The following NRXN3 variants were observed in gnomAD, a reference collection of about 807,000 sequenced individuals.
NRXN3 encodes the protein neurexin 3, also known as neurexin III.
In NRXN3, 32 loss-of-function variants were observed where a neutral mutation model predicts 137.6. That is an observed-to-expected ratio of 0.23 (90% CI 0.18 to 0.31). NRXN3 has a LOEUF of 0.31. Among genes scored for constraint, NRXN3 ranks in the 10% least tolerant of loss-of-function variants. The pLI is 1.00. For synonymous variants in NRXN3, 798 were observed against 784.5 expected (o/e 1.02, Z -0.29); for missense variants, 1,574 against 2,062.5 (o/e 0.76, Z 4.59).
Position 78,868,673 on chromosome 14 carries a change from T to C in NRXN3, c.2275+58329T>C, listed in dbSNP as rs1815281788. 2.0e-5 allele frequency among the ~76,000 whole-genome samples: 3 copies of C among 151,742 alleles called. No homozygotes were observed. In the South Asian group the frequency reaches 6.3e-4, roughly 32 times the overall value. On this transcript the variant is annotated intron_variant, in intron 10 of 20. Transcript: ENST00000335750. ...CATCTCTACTAAAAATACAAAAAAT[T>C]AGCCAGGCATGTTGGTGCATGCCTG...
At chr14:79,464,207 T>G (rs1432616832) in intron 15 of NRXN3, among the ~76,000 whole-genome samples, 3 of 152,134 alleles carry the variant, frequency 2.0e-5, no homozygotes, top group Non-Finnish European at 4.4e-5. Context: ...TTACCAAGAA[T>G]AGATATTTTC....
chr14:79,457,702 T>A (rs1003152545), intron 15 of NRXN3, among the ~76,000 whole-genome samples: 1 of 152,200 alleles, frequency 6.6e-6, no homozygotes, highest in African/African-American at 2.4e-5. Flanking sequence ...CTTGTAAGTA[T>A]GAGGATCATA....
At chr14:79,710,704 T>TTGAG (rs1466151833) in intron 19 of NRXN3, among the ~76,000 whole-genome samples, 3 of 152,116 alleles carry the variant, frequency 2.0e-5, no homozygotes, top group East Asian at 3.9e-4. Context: ...TAAAAAATAT[T>TTGAG]TGAGTTATTT....
intron 17 of NRXN3, among the ~76,000 whole-genome samples, chr14:79,664,230 G>T (rs546941908): frequency 5.3e-5 from 8 of 152,098 alleles, no homozygotes; most frequent in African/African-American, 1.9e-4. Flanking sequence ...ATTTTGCAGG[G>T]CCTGTAGATG....
intron 16 of NRXN3, among the ~76,000 whole-genome samples, chr14:79,471,958 C>T (rs2096515067): frequency 1.3e-5 from 2 of 151,976 alleles, no homozygotes; most frequent in Non-Finnish European, 2.9e-5. Context: ...AGCTTAATAT[C>T]CATTAGTTAT....
At chr14:79,430,326 C>T (rs1026001046) in intron 15 of NRXN3, among the ~76,000 whole-genome samples, 2 of 152,110 alleles carry the variant, frequency 1.3e-5, no homozygotes, top group African/African-American at 2.4e-5. Flanking sequence ...GTACCTCAAA[C>T]GTGATGAGTG....
At chr14:78,280,906 T>C (rs1319921483) in intron 3 of NRXN3, among the ~76,000 whole-genome samples, 1 of 152,102 alleles carries the variant, frequency 6.6e-6, no homozygotes, top group Non-Finnish European at 1.5e-5. Flanking sequence ...CCCTCTGAGG[T>C]GTGTAGCCCG....
intron 15 of NRXN3, among the ~76,000 whole-genome samples, chr14:79,116,913 A>C (rs1368392812): frequency 6.6e-6 from 1 of 152,232 alleles, no homozygotes. Context: ...CTTCTTCTCC[A>C]TGCCTTGTCA....
rs752081691 is a variant in NRXN3 at position 78,352,758 on chromosome 14, T to G, written c.757+54898T>G. Among the ~76,000 whole-genome samples, 11 of 152,230 alleles carry G rather than the reference T, an allele frequency of 7.2e-5. No homozygotes were observed. In the South Asian group the frequency reaches 1.2e-3, roughly 17 times the overall value. The stretch of plus-strand genomic sequence containing the variant: ...CAGTGGTTGCAAGCTTTGTGGCACC[T>G]GAGACCTAGATGTAAGCAGAGAGCA... On this transcript the variant is annotated intron_variant, in intron 4 of 20. Coordinates refer to ENST00000335750, the MANE Select transcript of NRXN3 (RefSeq NM_001330195.2).
intron 19 of NRXN3, among the ~76,000 whole-genome samples, chr14:79,736,738 A>T (rs2098943324): frequency 6.6e-6 from 1 of 152,210 alleles, no homozygotes; most frequent in Admixed American, 6.5e-5. Context: ...AGTGAATGAG[A>T]AACATATGGC....
At chr14:78,715,547 A>C (rs146246730) in intron 8 of NRXN3, among the ~76,000 whole-genome samples, 2 of 152,336 alleles carry the variant, frequency 1.3e-5, no homozygotes, top group African/African-American at 4.8e-5. Context: ...CAAGACAGGT[A>C]CATCGCTGTT....
chr14:78,764,124 T>C (rs1012839977), intron 8 of NRXN3, among the ~76,000 whole-genome samples: 3 of 152,198 alleles, frequency 2.0e-5, no homozygotes, highest in African/African-American at 7.2e-5. Flanking sequence ...AAACATGATC[T>C]AAGTGTTCCT....
intron 19 of NRXN3, among the ~76,000 whole-genome samples, chr14:79,725,676 A>T (rs889030930): frequency 1.3e-5 from 2 of 152,286 alleles, no homozygotes; most frequent in Admixed American, 1.3e-4. Flanking sequence ...ACGTTTTGTG[A>T]TATTTCAGTG....
intron 19 of NRXN3, among the ~76,000 whole-genome samples, chr14:79,770,893 G>A (rs377323568): frequency 3.3e-5 from 5 of 151,798 alleles, no homozygotes; most frequent in East Asian, 3.9e-4. Context: ...CTAATAAAGA[G>A]AAAAAGAGAG....
At chr14:79,442,975 A>G (rs1231641557) in intron 15 of NRXN3, among the ~76,000 whole-genome samples, 1 of 152,208 alleles carries the variant, frequency 6.6e-6, no homozygotes, top group Non-Finnish European at 1.5e-5. Context: ...GGCGAGGCCA[A>G]AAGCAGCATC....
chr14:78,452,583 G>A (rs189581505), intron 4 of NRXN3, among the ~76,000 whole-genome samples: 1 of 152,342 alleles, frequency 6.6e-6, no homozygotes, highest in East Asian at 1.9e-4. Flanking sequence ...CAAGGCAGCT[G>A]TCAGTCATAA....
At chr14:79,829,730 G>T (rs760924742) in intron 20 of NRXN3, among the ~76,000 whole-genome samples, 1 of 152,098 alleles carries the variant, frequency 6.6e-6, no homozygotes, top group Non-Finnish European at 1.5e-5. Context: ...TTGCAAGTGA[G>T]TATCTTTTCA....
intron 15 of NRXN3, among the ~76,000 whole-genome samples, chr14:79,163,694 T>G (rs2153072257): frequency 6.6e-6 from 1 of 151,994 alleles, no homozygotes; most frequent in Non-Finnish European, 1.5e-5. Flanking sequence ...ATATTATAAC[T>G]GAATTACTGT....
intron 2 of NRXN3, among the ~76,000 whole-genome samples, chr14:78,260,923 C>A (rs2070602233): frequency 6.6e-6 from 1 of 152,162 alleles, no homozygotes; most frequent in Non-Finnish European, 1.5e-5. Context: ...TTAACTAATT[C>A]TCATGAAGCA....
Sources: allele counts gnomAD v4.1 joint callset (sites outside exome capture counted in the v4.1 genomes callset), GRCh38; gene constraint gnomAD v4.1.1; transcripts MANE v1.5; gene names NCBI Gene and HGNC (gene_info 2026-07-23, HGNC 2026-07-21).